EFNA5: variants seen among roughly 807,000 people sequenced by gnomAD.
EFNA5 encodes ephrin-A5.
EFNA5 carries 5 observed loss-of-function variants against 22.9 expected under a neutral mutation model. That is an observed-to-expected ratio of 0.22 (90% CI 0.11 to 0.46). The LOEUF is 0.46. EFNA5 is among the 20% of genes least tolerant of loss of function. The pLI is 0.99. For synonymous variants in EFNA5, 113 were observed against 112.2 expected (o/e 1.01, Z -0.04); for missense variants, 237 against 293.3 (o/e 0.81, Z 1.40).
At chr5:107,448,703 G>A (rs1322843848) in intron 1 of EFNA5, among the ~76,000 whole-genome samples, 7 of 151,738 alleles carry the variant, frequency 4.6e-5, no homozygotes, top group African/African-American at 1.5e-4. Flanking sequence ...GGTGGTGTGC[G>A]CCTGTAATCC....
At chr5:107,422,764 C>A (rs891645676) in intron 2 of EFNA5, among the ~76,000 whole-genome samples, 4 of 152,106 alleles carry the variant, frequency 2.6e-5, no homozygotes, top group African/African-American at 9.7e-5. Flanking sequence ...CTGGGTGAGA[C>A]AGGAAGTCAC....
intron 1 of EFNA5, among the ~76,000 whole-genome samples, chr5:107,437,089 A>G (rs1248724737): frequency 6.6e-6 from 1 of 152,208 alleles, no homozygotes; most frequent in African/African-American, 2.4e-5. Context: ...TACAATCTAA[A>G]TCTGAAATTT....
intron 1 of EFNA5, among the ~76,000 whole-genome samples, chr5:107,554,558 G>A (rs1167182436): frequency 6.6e-6 from 1 of 152,130 alleles, no homozygotes; most frequent in African/African-American, 2.4e-5. Flanking sequence ...AACATTAGGT[G>A]GAAGAGAAAG....
chr5:107,464,050 T>G (rs1232949005), intron 1 of EFNA5, among the ~76,000 whole-genome samples: 4 of 152,174 alleles, frequency 2.6e-5, no homozygotes, highest in African/African-American at 9.7e-5. Flanking sequence ...GAAGTTTTAC[T>G]ATGAATCTTT....
At chr5:107,392,196 C>G (rs1194653631) in intron 2 of EFNA5, among the ~76,000 whole-genome samples, 1 of 152,162 alleles carries the variant, frequency 6.6e-6, no homozygotes, top group Non-Finnish European at 1.5e-5. Context: ...CCCAGGTATC[C>G]CCACATTCCT....
At chr5:107,502,460 G>A (rs1486935267) in intron 1 of EFNA5, among the ~76,000 whole-genome samples, 1 of 152,192 alleles carries the variant, frequency 6.6e-6, no homozygotes, top group South Asian at 2.1e-4. Flanking sequence ...TTAGGAAGCA[G>A]TGCCTTAAAG....
chr5:107,540,883 G>A (rs1748031377), intron 1 of EFNA5, among the ~76,000 whole-genome samples: 1 of 152,212 alleles, frequency 6.6e-6, no homozygotes, highest in African/African-American at 2.4e-5. Flanking sequence ...TTGGGAGGCA[G>A]AGGCGGGTGG....
At chr5:107,545,696 G>C (rs191967514) in intron 1 of EFNA5, among the ~76,000 whole-genome samples, 19 of 152,244 alleles carry the variant, frequency 1.2e-4, no homozygotes, top group African/African-American at 4.6e-4. Flanking sequence ...TGGCATCAAA[G>C]GGAAATTTTC....
chr5:107,387,265 C>A lies in EFNA5; in HGVS notation c.535G>T (p.Asp179Tyr). 1 of 1,604,720 alleles carries A rather than the reference C, an allele frequency of 6.2e-7. No homozygotes were observed. Among genetic ancestry groups the A allele is most frequent in the South Asian group, 1.1e-5 (1 of 89,648 alleles). Residue 179 changes from aspartate (D) to tyrosine (Y), a missense_variant, in exon 4 of 5, where the codon GAC (aspartate) becomes TAC (tyrosine). Around this residue, in one of 3 missense-constraint regions of EFNA5, gnomAD observed 104 missense variants for 114.5 expected, o/e 0.91. Coordinates refer to ENST00000333274, the MANE Select transcript of EFNA5 (RefSeq NM_001962.3). ...GGTTCTAATGAATTTTCTACTTTGTCGTTAACATCGAAAACACGATCATGA... is the reference window on the plus strand; with the variant it reads ...GGTTCTAATGAATTTTCTACTTTGTAGTTAACATCGAAAACACGATCATGA... ...GVHDRVFDVN[D>Y]KVENSLEPAD...
chr5:107,564,488 G>A (rs1460124320), intron 1 of EFNA5, among the ~76,000 whole-genome samples: 1 of 152,136 alleles, frequency 6.6e-6, no homozygotes, highest in Admixed American at 6.5e-5. Flanking sequence ...CTGTTATTAG[G>A]ATGTAAAAGG....
chr5:107,489,433 A>G (rs550434816), intron 1 of EFNA5, among the ~76,000 whole-genome samples: 1 of 152,252 alleles, frequency 6.6e-6, no homozygotes, highest in African/African-American at 2.4e-5. Flanking sequence ...GGCCTCCCAA[A>G]GTGCTGGGAT....
intron 1 of EFNA5, among the ~76,000 whole-genome samples, chr5:107,646,623 A>C (rs1750638031): frequency 6.6e-6 from 1 of 152,128 alleles, no homozygotes; most frequent in African/African-American, 2.4e-5. Context: ...CCCTGTAAAC[A>C]CTGAGACAGA....
intron 1 of EFNA5, among the ~76,000 whole-genome samples, chr5:107,640,268 A>G (rs933485883): frequency 1.3e-5 from 2 of 152,150 alleles, no homozygotes; most frequent in Non-Finnish European, 2.9e-5. Flanking sequence ...CTTGACAAGG[A>G]TAGTTTTCAG....
chr5:107,397,343 G>A (rs1447480396), intron 2 of EFNA5, among the ~76,000 whole-genome samples: 2 of 152,070 alleles, frequency 1.3e-5, no homozygotes, highest in East Asian at 3.9e-4. Flanking sequence ...TAGGTCTGGA[G>A]TTCAACACCA....
chr5:107,636,565 T>G (rs1750377073), intron 1 of EFNA5, among the ~76,000 whole-genome samples: 1 of 152,236 alleles, frequency 6.6e-6, no homozygotes, highest in Non-Finnish European at 1.5e-5. Flanking sequence ...ATGTGTTTGA[T>G]TTATCTGTTT....
chr5:107,571,257 C>T (rs1372040523), intron 1 of EFNA5, among the ~76,000 whole-genome samples: 3 of 152,152 alleles, frequency 2.0e-5, no homozygotes, highest in Non-Finnish European at 4.4e-5. Context: ...AGCACTGGGG[C>T]AACTTGTAAT....
At chr5:107,420,534 A>AG (rs1748626132) in intron 2 of EFNA5, among the ~76,000 whole-genome samples, 1 of 106,054 alleles carries the variant, frequency 9.4e-6, no homozygotes, top group Non-Finnish European at 2.1e-5. Context: ...AAAAAAAAAA[A>AG]AAAAAAGAAA....
chr5:107,465,203 T>C lies in EFNA5; in HGVS notation c.126-37694A>G, dbSNP rs182000472. On this transcript the variant is annotated intron_variant, in intron 1 of 4. Coordinates refer to ENST00000333274, the MANE Select transcript of EFNA5 (RefSeq NM_001962.3). ...AATTTATGACTTACATTACACCAGA[T>C]TTCACCTTCACTTCTTTCCAAGGCC... Among the ~76,000 whole-genome samples the C allele has an allele frequency of 3.5e-3, 528 of 152,248 alleles. 4 individuals carry two copies. The highest frequency in any genetic ancestry group is 0.027 in the Middle Eastern group (8 of 294).
chr5:107,511,416 A>G (rs1292283554), intron 1 of EFNA5, among the ~76,000 whole-genome samples: 1 of 152,180 alleles, frequency 6.6e-6, no homozygotes, highest in Non-Finnish European at 1.5e-5. Context: ...AAGTAAATGG[A>G]TGTATGGAAT....
Sources: gnomAD v4.1 joint callset for allele counts (sites outside exome capture counted in the v4.1 genomes callset) on GRCh38, gnomAD v4.1.1 for gene constraint, gnomAD v4.1.1 regional missense constraint, MANE v1.5 for transcripts, NCBI Gene and HGNC (gene_info 2026-07-23, HGNC 2026-07-21) for gene names.